Variants in IL22RA2 observed in about 807,000 individuals in gnomAD.
IL22RA2 encodes interleukin 22 receptor subunit alpha 2, also known as interleukin-22 receptor subunit alpha-2.
A neutral mutation model predicts 30.7 loss-of-function variants in IL22RA2; 39 were observed. The ratio of observed to expected loss-of-function variants is 1.27; its 90% CI spans 0.98 to 1.66. The LOEUF is 1.66. Among genes scored for constraint, IL22RA2 ranks in the 40% most tolerant of loss-of-function variants. IL22RA2 has a pLI of 0.00. For synonymous variants in IL22RA2, 103 were observed against 105.0 expected, an observed-to-expected ratio of 0.98 and a Z score of 0.11; for missense variants, 315 against 312.7, an observed-to-expected ratio of 1.01 and a Z score of -0.05.
In IL22RA2 at chr6:137,161,703, A is replaced by T; in HGVS notation, c.47T>A (p.Leu16His). 6.2e-7 allele frequency: 1 copy of T among 1,613,494 alleles called. No individual in the cohort carries two copies. The highest frequency in any genetic ancestry group is 8.5e-7 in the Non-Finnish European group (1 of 1,179,554). The change falls in exon 2 of 7, where the codon CTT becomes CAT. Residue 16 changes from leucine to histidine, a missense_variant. Coordinates refer to ENST00000296980, the MANE Select transcript of IL22RA2 (RefSeq NM_052962.3). ...CFLGFLISFF[L>H]TGVAGTQSTH... ...AAAGCACTTACCTGCTACACCAGTA[A>T]GGAAGAAACTGATGAGGAAGCCTAG...
chr6:137,149,479 G>A (rs1778243886), intron 5 of IL22RA2, among the ~76,000 whole-genome samples: 1 of 152,096 alleles, frequency 6.6e-6, no homozygotes, highest in African/African-American at 2.4e-5. Flanking sequence ...GGTCATCTTT[G>A]ACATGTCCTC....
chr6:137,163,775 C>T (rs534271384), intron 1 of IL22RA2, among the ~76,000 whole-genome samples: 18 of 152,144 alleles, frequency 1.2e-4, no homozygotes, highest in South Asian at 8.3e-4. Flanking sequence ...GCTCATGAGT[C>T]GGTCAGAAAG....
At chr6:137,154,354 C>T (rs1696032011) in intron 5 of IL22RA2, among the ~76,000 whole-genome samples, 1 of 152,174 alleles carries the variant, frequency 6.6e-6, no homozygotes, top group Non-Finnish European at 1.5e-5. Context: ...GTGGCTCACA[C>T]CCATAATCCC....
chr6:137,163,181 C>T (rs747624186), intron 1 of IL22RA2, among the ~76,000 whole-genome samples: 14 of 152,166 alleles, frequency 9.2e-5, no homozygotes, highest in Non-Finnish European at 1.3e-4. Flanking sequence ...TGTAATGCTG[C>T]CTTTGTTTCT....
intron 6 of IL22RA2, 79 bp from the exon 7 acceptor site, chr6:137,145,852 G>C (rs1582875266): frequency 1.4e-6 from 2 of 1,442,058 alleles, no homozygotes; most frequent in East Asian, 4.6e-5. Context: ...AAATTAACAA[G>C]TTGTACATGG....
intron 1 of IL22RA2, among the ~76,000 whole-genome samples, chr6:137,172,594 C>T (rs943764859): frequency 6.6e-6 from 1 of 152,252 alleles, no homozygotes; most frequent in Non-Finnish European, 1.5e-5. Context: ...GGGATCTCCG[C>T]TCTGCCTCCT....
chr6:137,170,712 A>G, intron 1 of IL22RA2, among the ~76,000 whole-genome samples: 1 of 152,098 alleles, frequency 6.6e-6, no homozygotes, highest in East Asian at 1.9e-4. Flanking sequence ...TCAGTCTTTG[A>G]TCATCCCGCA....
Position 137,154,619 on chromosome 6 carries a change from A to AC in IL22RA2, c.472+321_472+322insG, listed in dbSNP as rs199788708. ...GACAAAGCGAGACCCTGTCACACAC[A>AC]AACACACACACACACACACACACAC... On this transcript the variant is annotated intron_variant, in intron 5 of 6. Coordinates refer to ENST00000296980, the MANE Select transcript of IL22RA2 (RefSeq NM_052962.3). 0.015 allele frequency among the ~76,000 whole-genome samples: 2,135 copies of AC among 146,134 alleles called. 152 individuals carry two copies. The South Asian group carries it at 0.23, about 16-fold the overall frequency.
chr6:137,160,819 G>T (rs950744264), intron 2 of IL22RA2, among the ~76,000 whole-genome samples: 6 of 152,168 alleles, frequency 3.9e-5, no homozygotes, highest in Admixed American at 3.9e-4. Flanking sequence ...GAACATTTTG[G>T]TAGCATTTGA....
chr6:137,170,392 T>C (rs1582613946), intron 1 of IL22RA2, among the ~76,000 whole-genome samples: 1 of 152,356 alleles, frequency 6.6e-6, no homozygotes, highest in African/African-American at 2.4e-5. Context: ...CTGTCTTCTC[T>C]CTGTGGACAG....
intron 1 of IL22RA2, among the ~76,000 whole-genome samples, chr6:137,164,375 C>A (rs191074835): frequency 6.6e-6 from 1 of 152,096 alleles, no homozygotes; most frequent in Non-Finnish European, 1.5e-5. Context: ...TAATTCAGAC[C>A]CTCCCTAAGT....
intron 1 of IL22RA2, among the ~76,000 whole-genome samples, chr6:137,164,653 G>A (rs200411828): frequency 4.6e-4 from 70 of 152,300 alleles, no homozygotes; most frequent in East Asian, 2.9e-3. Flanking sequence ...GCAACACCAC[G>A]CAGAGAGGAG....
chr6:137,147,698 A>C (rs1350642861), intron 6 of IL22RA2, 24 bp downstream of exon 6: 2 of 1,475,698 alleles, frequency 1.4e-6, no homozygotes, highest in Non-Finnish European at 9.2e-7. Context: ...AAAACTCTAA[A>C]TATATCTATT....
intron 5 of IL22RA2, among the ~76,000 whole-genome samples, chr6:137,150,909 G>C (rs182943289): frequency 1.3e-5 from 2 of 152,250 alleles, no homozygotes; most frequent in East Asian, 3.9e-4. Flanking sequence ...AATGCATCTA[G>C]CATTTTGGAC....
At chr6:137,149,914 A>G (rs1017696527) in intron 5 of IL22RA2, among the ~76,000 whole-genome samples, 5 of 152,156 alleles carry the variant, frequency 3.3e-5, no homozygotes, top group African/African-American at 1.2e-4. Context: ...CTTTGCCTCA[A>G]GTGATCCTCC....
intron 5 of IL22RA2, among the ~76,000 whole-genome samples, chr6:137,152,441 C>T (rs906439354): frequency 6.6e-6 from 1 of 151,986 alleles, no homozygotes; most frequent in Non-Finnish European, 1.5e-5. Context: ...TTTGAAAACA[C>T]GTTAAGTGAA....
At chr6:137,168,627 C>T (rs1459616366) in intron 1 of IL22RA2, among the ~76,000 whole-genome samples, 3 of 149,144 alleles carry the variant, frequency 2.0e-5, no homozygotes, top group Non-Finnish European at 2.9e-5. Context: ...ATTTAATCAG[C>T]ACCTATACAC....
chr6:137,148,040 C>T (rs1778215478), intron 5 of IL22RA2, 149 bp from the exon 6 acceptor site: 1 of 650,724 alleles, frequency 1.5e-6, no homozygotes, highest in Non-Finnish European at 2.6e-6. Flanking sequence ...TGCCACTGCA[C>T]TATAGCTTGT....
intron 6 of IL22RA2, among the ~76,000 whole-genome samples, chr6:137,147,216 A>AT (rs1267420126): frequency 1.1e-4 from 15 of 137,124 alleles, no homozygotes; most frequent in Non-Finnish European, 2.2e-4. Context: ...AAAAAAAAAA[A>AT]GCTGGATGTG....
Sources: gnomAD v4.1 joint callset for allele counts (sites outside exome capture counted in the v4.1 genomes callset) on GRCh38, gnomAD v4.1.1 for gene constraint, MANE v1.5 for transcripts, NCBI Gene and HGNC (gene_info 2026-07-23, HGNC 2026-07-21) for gene names.